Variants in ZFAT observed in about 807,000 individuals in gnomAD.
ZFAT encodes zinc finger protein ZFAT.
Under a neutral mutation model 117.7 loss-of-function variants are expected in ZFAT, and 64 were observed. The observed-to-expected ratio is 0.54, with a 90% confidence interval of 0.44 to 0.67. The LOEUF is 0.67. ZFAT is among the 30% of genes least tolerant of loss of function. The pLI is 0.00. For missense variants in ZFAT, 1,433 were observed against 1,584.5 expected (o/e 0.90, Z 1.62); for synonymous variants, 679 against 615.0 (o/e 1.10, Z -1.54).
the ZFAT span, among the ~76,000 whole-genome samples, chr8:134,824,194 A>G: frequency 1.3e-5 from 2 of 152,372 alleles, no homozygotes; most frequent in East Asian, 1.9e-4. Context: ...TGGCAGTTCC[A>G]TGTGCGAAGG....
chr8:134,596,985 G>A (rs1442491752), intron 7 of ZFAT, among the ~76,000 whole-genome samples: 3 of 131,468 alleles, frequency 2.3e-5, no homozygotes, highest in Admixed American at 7.9e-5. Context: ...CAACTCCGTG[G>A]ATATACTAAA....
At chr8:134,773,970 G>A in the ZFAT span, among the ~76,000 whole-genome samples, 2 of 146,050 alleles carry the variant, frequency 1.4e-5, no homozygotes, top group Non-Finnish European at 3.0e-5. Context: ...AGTAGCAGTA[G>A]AGCTTGAGGA....
At chr8:134,591,485 G>A (rs763477778) in intron 7 of ZFAT, among the ~76,000 whole-genome samples, 1 of 152,158 alleles carries the variant, frequency 6.6e-6, no homozygotes, top group African/African-American at 2.4e-5. Flanking sequence ...ACTTGAGGGC[G>A]ATTTCATATC....
chr8:134,574,252 C>T (rs968340036), intron 10 of ZFAT, among the ~76,000 whole-genome samples: 13 of 152,110 alleles, frequency 8.5e-5, no homozygotes, highest in Middle Eastern at 3.2e-3. Flanking sequence ...GCACCCATGT[C>T]GCCCTAGACC....
the ZFAT span, among the ~76,000 whole-genome samples, chr8:134,790,601 T>C: frequency 1.3e-5 from 2 of 152,318 alleles, no homozygotes; most frequent in East Asian, 3.9e-4. Flanking sequence ...CACAACTGCC[T>C]CACACCTTCT....
intron 15 of ZFAT, among the ~76,000 whole-genome samples, chr8:134,501,389 T>A (rs1586594258): frequency 6.6e-6 from 1 of 152,246 alleles, no homozygotes; most frequent in South Asian, 2.1e-4. Flanking sequence ...GACATCCAAA[T>A]ACAATGAAGA....
chr8:134,650,622 C>A (rs1487043249), intron 2 of ZFAT, among the ~76,000 whole-genome samples: 1 of 152,114 alleles, frequency 6.6e-6, no homozygotes, highest in Non-Finnish European at 1.5e-5. Context: ...TAAAGAAGAA[C>A]AAAGTTGGAA....
In ZFAT at chr8:134,524,683, G is replaced by C. The variant is rs145544341; in HGVS notation, c.3116-3682C>G. On this transcript the variant is annotated intron_variant, in intron 12 of 15. Transcript: ENST00000377838. ...CCAAAACAAACACTGGCCTGGCCCC[G>C]ATTGTAAGCAGTACTGAGGTTGAGA... Among the ~76,000 whole-genome samples the C allele has an allele frequency of 3.3e-5, 5 of 152,252 alleles. No homozygotes were observed. In the East Asian group the frequency reaches 9.6e-4, roughly 29 times the overall value.
Position 134,697,817 on chromosome 8 carries a change from GTGAT to G in ZFAT, c.19+15024_19+15027del, listed in dbSNP as rs1480985090. Reference sequence around the variant, plus strand: ...GCTGATCTTAAATCCCTGGGCTCAAGTGATCCGCCTGCCTCGGCCTCCCAAAGCG... The same window carrying G: ...GCTGATCTTAAATCCCTGGGCTCAAGCCGCCTGCCTCGGCCTCCCAAAGCG... On this transcript the variant is annotated intron_variant, in intron 1 of 15. Transcript: ENST00000377838. Among the ~76,000 whole-genome samples the G allele has an allele frequency of 1.9e-4, 29 of 149,972 alleles. 1 individual carries two copies. Among genetic ancestry groups the G allele is most frequent in the African/African-American group, 6.3e-4 (26 of 41,190 alleles).
chr8:134,617,826 G>A (rs1324410915), intron 3 of ZFAT, among the ~76,000 whole-genome samples: 1 of 152,202 alleles, frequency 6.6e-6, no homozygotes, highest in African/African-American at 2.4e-5. Context: ...TCTCGACCGT[G>A]ATTACTGACA....
At chr8:134,778,080 T>G in the ZFAT span, among the ~76,000 whole-genome samples, 1 of 152,220 alleles carries the variant, frequency 6.6e-6, no homozygotes, top group Non-Finnish European at 1.5e-5. Flanking sequence ...TCCAAAGAGC[T>G]GCATCCTGTA....
At chr8:134,529,592 T>C (rs1821264900) in intron 12 of ZFAT, among the ~76,000 whole-genome samples, 2 of 152,070 alleles carry the variant, frequency 1.3e-5, no homozygotes, top group African/African-American at 4.8e-5. Context: ...AGTATCAGAG[T>C]ACTGAGGGAT....
At position 134,524,234 on chromosome 8, in the gene ZFAT, G is replaced by A. The variant is rs139514790; in HGVS notation, c.3116-3233C>T. On this transcript the variant is annotated intron_variant, in intron 12 of 15. Transcript: ENST00000377838. ...TTATCCGAGGGCCTGCCTTGGTGCCGGTCTATCTTCCCCTTTCCTTCACAG... is the reference window on the plus strand; with the variant it reads ...TTATCCGAGGGCCTGCCTTGGTGCCAGTCTATCTTCCCCTTTCCTTCACAG... Among the ~76,000 whole-genome samples, 1,373 of 152,162 alleles carry A rather than the reference G, an allele frequency of 9.0e-3. 7 individuals carry two copies. Among genetic ancestry groups the A allele is most frequent in the Non-Finnish European group, 0.012 (786 of 68,008 alleles).
intron 7 of ZFAT, among the ~76,000 whole-genome samples, chr8:134,590,656 C>CACA (rs1826412160): frequency 2.0e-5 from 3 of 148,222 alleles, no homozygotes; most frequent in South Asian, 2.2e-4. Context: ...CCACCACCAC[C>CACA]ACCAACACCA....
chr8:134,673,567 A>G (rs2131271706), intron 1 of ZFAT: 1 of 170,876 alleles, frequency 5.9e-6, no homozygotes, highest in East Asian at 1.3e-4. Flanking sequence ...ATAGCAGGAT[A>G]TATAGCTAGA....
At chr8:134,593,887 G>A (rs372042500) in intron 7 of ZFAT, among the ~76,000 whole-genome samples, 3 of 152,326 alleles carry the variant, frequency 2.0e-5, no homozygotes, top group East Asian at 1.9e-4. Flanking sequence ...ACTCTCAGGC[G>A]CTCGAATGCT....
the ZFAT span, among the ~76,000 whole-genome samples, chr8:134,780,674 T>G: frequency 6.6e-6 from 1 of 152,222 alleles, no homozygotes; most frequent in Non-Finnish European, 1.5e-5. Flanking sequence ...GGATAATCCT[T>G]TTTCAGGCAA....
chr8:134,668,194 G>A (rs577855667), intron 1 of ZFAT, among the ~76,000 whole-genome samples: 24 of 152,324 alleles, frequency 1.6e-4, no homozygotes, highest in Middle Eastern at 3.4e-3. Flanking sequence ...GGACATAGCC[G>A]AACAAAAGCA....
At chr8:134,702,919 C>T (rs954514250) in intron 1 of ZFAT, among the ~76,000 whole-genome samples, 3 of 152,200 alleles carry the variant, frequency 2.0e-5, no homozygotes, top group Non-Finnish European at 4.4e-5. Context: ...GATCTGCCGG[C>T]CTCGGCCTCC....
Sources: gnomAD v4.1 joint callset for allele counts (sites outside exome capture counted in the v4.1 genomes callset) on GRCh38, gnomAD v4.1.1 for gene constraint, MANE v1.5 for transcripts, NCBI Gene and HGNC (gene_info 2026-07-23, HGNC 2026-07-21) for gene names.